NDUFAF2: variants seen among roughly 807,000 people sequenced by gnomAD.
NDUFAF2 encodes the protein NADH dehydrogenase [ubiquinone] 1 alpha subcomplex assembly factor 2.
Under a neutral mutation model 22.8 loss-of-function variants are expected in NDUFAF2, and 13 were observed. The ratio of observed to expected loss-of-function variants is 0.57; its 90% confidence interval spans 0.37 to 0.91. NDUFAF2 has a LOEUF of 0.91. Among genes scored for constraint, NDUFAF2 ranks in the 40% least tolerant of loss-of-function variants. The probability of loss-of-function intolerance (pLI) is 0.01; values close to 1 mark genes in which losing one functional copy is unlikely to be tolerated. For synonymous variants in NDUFAF2, 53 were observed against 64.2 expected (o/e 0.83, Z 0.84); for missense variants, 162 against 195.2 (o/e 0.83, Z 1.01).
chr5:60,946,870 C>A (rs927023215), intron 1 of NDUFAF2, among the ~76,000 whole-genome samples: 1 of 152,282 alleles, frequency 6.6e-6, no homozygotes, highest in Non-Finnish European at 1.5e-5. Flanking sequence ...TCTAGAATAT[C>A]ATATAAATGG....
At chr5:61,151,422 G>T (rs1036370336) in intron 3 of NDUFAF2, among the ~76,000 whole-genome samples, 2 of 151,652 alleles carry the variant, frequency 1.3e-5, no homozygotes, top group African/African-American at 4.9e-5. Flanking sequence ...TTAAAAATTA[G>T]ATAATACAGG....
intron 1 of NDUFAF2, among the ~76,000 whole-genome samples, chr5:60,983,164 T>A (rs1165680676): frequency 1.3e-5 from 2 of 150,968 alleles, no homozygotes; most frequent in Non-Finnish European, 2.9e-5. Flanking sequence ...TGATGAGCAT[T>A]TTTTCATGTG....
At chr5:60,948,221 TTTTA>T (rs1422785379) in intron 1 of NDUFAF2, among the ~76,000 whole-genome samples, 4 of 152,156 alleles carry the variant, frequency 2.6e-5, no homozygotes, top group Admixed American at 1.3e-4. Context: ...ATTTAGTTAT[TTTTA>T]TTTGTTTATT....
At chr5:60,950,223 G>A (rs1580062855) in intron 1 of NDUFAF2, among the ~76,000 whole-genome samples, 1 of 151,708 alleles carries the variant, frequency 6.6e-6, no homozygotes, top group African/African-American at 2.4e-5. Context: ...TTTCGCTCTC[G>A]TTGCCCAGGC....
intron 3 of NDUFAF2, among the ~76,000 whole-genome samples, chr5:61,118,701 A>G (rs1451096016): frequency 6.6e-6 from 1 of 152,222 alleles, no homozygotes; most frequent in African/African-American, 2.4e-5. Flanking sequence ...TCATTACTTA[A>G]GTGTCAACTG....
At chr5:61,001,421 A>G (rs1422117912) in intron 1 of NDUFAF2, among the ~76,000 whole-genome samples, 3 of 152,170 alleles carry the variant, frequency 2.0e-5, no homozygotes, top group Non-Finnish European at 4.4e-5. Context: ...GCACCAATGT[A>G]TATAGACTCA....
At chr5:61,056,919 A>AAAAATAT (rs1752105032) in intron 1 of NDUFAF2, among the ~76,000 whole-genome samples, 3 of 28,808 alleles carry the variant, frequency 1.0e-4, no homozygotes, top group African/African-American at 3.2e-4. Context: ...AAAAAAAAAA[A>AAAAATAT]ATATATATAT....
intron 2 of NDUFAF2, among the ~76,000 whole-genome samples, chr5:61,084,642 A>G (rs373016121): frequency 1.0e-3 from 158 of 152,296 alleles, no homozygotes; most frequent in African/African-American, 3.7e-3. Context: ...ATGTTACAGG[A>G]TATATCAGAA....
At chr5:61,002,135 A>G (rs1751304839) in intron 1 of NDUFAF2, among the ~76,000 whole-genome samples, 1 of 152,114 alleles carries the variant, frequency 6.6e-6, no homozygotes, top group African/African-American at 2.4e-5. Context: ...TCAGAGAATC[A>G]AAAGGAGCTC....
At chr5:60,990,079 T>TGTTTA (rs1751138265) in intron 1 of NDUFAF2, among the ~76,000 whole-genome samples, 1 of 152,198 alleles carries the variant, frequency 6.6e-6, no homozygotes, top group Non-Finnish European at 1.5e-5. Context: ...TATTCTCACT[T>TGTTTA]ATTTGTGGGA....
At chr5:61,012,051 G>T (rs542158435) in intron 1 of NDUFAF2, among the ~76,000 whole-genome samples, 2 of 152,128 alleles carry the variant, frequency 1.3e-5, no homozygotes, top group South Asian at 4.1e-4. Context: ...TTAAAGCTTT[G>T]ATAATGCTAT....
At chr5:61,125,818 T>G (rs1027766381) in intron 3 of NDUFAF2, among the ~76,000 whole-genome samples, 15 of 152,226 alleles carry the variant, frequency 9.9e-5, no homozygotes, top group African/African-American at 3.6e-4. Context: ...CTTTTGATTT[T>G]GATTACCTAA....
At chr5:61,051,024 T>C (rs1752018119) in intron 1 of NDUFAF2, among the ~76,000 whole-genome samples, 1 of 152,230 alleles carries the variant, frequency 6.6e-6, no homozygotes, top group Non-Finnish European at 1.5e-5. Flanking sequence ...TAAAAAATGC[T>C]ATCATATGGA....
intron 1 of NDUFAF2, among the ~76,000 whole-genome samples, chr5:61,038,317 A>G (rs1313656725): frequency 2.6e-5 from 4 of 152,216 alleles, no homozygotes; most frequent in Non-Finnish European, 2.9e-5. Flanking sequence ...GTAAAAGAAT[A>G]TATCCTGCAA....
intron 2 of NDUFAF2, among the ~76,000 whole-genome samples, chr5:61,081,652 T>C (rs1042727256): frequency 6.6e-6 from 1 of 152,224 alleles, no homozygotes; most frequent in African/African-American, 2.4e-5. Flanking sequence ...CAAACCTCTA[T>C]AGTTTTTCCA....
intron 1 of NDUFAF2, among the ~76,000 whole-genome samples, chr5:60,950,153 G>T (rs1166943816): frequency 1.3e-5 from 2 of 151,914 alleles, no homozygotes; most frequent in South Asian, 4.1e-4. Context: ...TCTTTTTCTT[G>T]TTCCATATCT....
intron 1 of NDUFAF2, among the ~76,000 whole-genome samples, chr5:61,015,926 G>A (rs1171075527): frequency 6.6e-6 from 1 of 152,118 alleles, no homozygotes; most frequent in African/African-American, 2.4e-5. Flanking sequence ...GGTGGCTCAC[G>A]CCTGTAATCC....
intron 3 of NDUFAF2, chr5:61,116,874 T>G (rs1313064894): frequency 6.6e-6 from 1 of 152,110 alleles, no homozygotes; most frequent in East Asian, 1.9e-4. Flanking sequence ...ATGAAATACA[T>G]AGAGTACCTG....
intron 1 of NDUFAF2, among the ~76,000 whole-genome samples, chr5:60,982,735 A>G (rs1203220414): frequency 2.0e-5 from 3 of 151,784 alleles, no homozygotes; most frequent in Non-Finnish European, 4.4e-5. Flanking sequence ...GAACTCATCA[A>G]TTTTTATGGC....
Sources: allele counts gnomAD v4.1 joint callset (sites outside exome capture counted in the v4.1 genomes callset), GRCh38; gene constraint gnomAD v4.1.1; transcripts MANE v1.5; gene names NCBI Gene and HGNC (gene_info 2026-07-23, HGNC 2026-07-21).